SNX1: variants seen among roughly 807,000 people sequenced by gnomAD.
SNX1 encodes the protein sorting nexin-1.
In SNX1, 36 loss-of-function variants were observed where a neutral mutation model predicts 71.8. The ratio of observed to expected loss-of-function variants is 0.50; its 90% CI spans 0.38 to 0.66. SNX1 has a LOEUF of 0.66. SNX1 is among the 30% of genes least tolerant of loss of function. The probability of loss-of-function intolerance (pLI) is 0.00; values close to 1 mark genes in which losing one functional copy is unlikely to be tolerated. For missense variants in SNX1, 612 were observed against 646.7 expected (o/e 0.95, Z 0.58); for synonymous variants, 254 against 240.7 (o/e 1.06, Z -0.51).
chr15:64,125,392 G>T (rs1227507045), intron 5 of SNX1, among the ~76,000 whole-genome samples: 2 of 151,466 alleles, frequency 1.3e-5, no homozygotes, highest in African/African-American at 4.9e-5. Context: ...TTGAACCTGG[G>T]AGGTGGAGGT....
chr15:64,101,973 G>A (rs528883437), intron 1 of SNX1, among the ~76,000 whole-genome samples: 1 of 152,092 alleles, frequency 6.6e-6, no homozygotes, highest in Admixed American at 6.6e-5. Flanking sequence ...ATTGCACATT[G>A]TATGCATATA....
chr15:64,112,422 T>C (rs146631492), intron 1 of SNX1, 151 bp from the exon 2 acceptor site: 206 of 567,910 alleles, frequency 3.6e-4, no homozygotes, highest in African/African-American at 3.3e-3. Context: ...CTGTCATGAC[T>C]TGGGCAGCAC....
At chr15:64,126,249 G>T (rs753939084) in intron 6 of SNX1, 29 bp downstream of exon 6, 18 of 1,604,444 alleles carry the variant, frequency 1.1e-5, no homozygotes, top group South Asian at 3.3e-5. Flanking sequence ...ATTCCACTTG[G>T]ATTGTTTTCC....
chr15:64,138,062 CA>C lies in SNX1; in HGVS notation c.*445del, dbSNP rs1411923169. 2.0e-6 allele frequency: 3 copies of C among 1,529,694 alleles called. No individual in the cohort carries two copies. In the Admixed American group the frequency reaches 6.1e-5, roughly 31 times the overall value. The allele number at this position is 1,529,694 out of a possible 1,614,324, so 94.8% of individuals were successfully genotyped here. On this transcript the variant is annotated 3_prime_UTR_variant, in exon 15 of 15. Coordinates refer to ENST00000559844, the MANE Select transcript of SNX1 (RefSeq NM_003099.5). ...CTTAGGCTGGGGAGCAGTTGGGAAT[CA>C]GGTCTGGAATACTCCTAACCAAGAA...
intron 2 of SNX1, among the ~76,000 whole-genome samples, chr15:64,113,237 A>G (rs1045308394): frequency 6.6e-6 from 1 of 152,246 alleles, no homozygotes; most frequent in African/African-American, 2.4e-5. Context: ...GAAAAACACT[A>G]GTATAGGACA....
At position 64,118,654 on chromosome 15, in the gene SNX1, G is replaced by T. The variant is rs1453850546; in HGVS notation, c.400-134G>T. On this transcript the variant is annotated intron_variant, in intron 3 of 14. Transcript: ENST00000559844. ...TTTTGAGAGTTGGTACATTGGGATTGTTGGGAATGGACAAAAGCTGAACAC... is the reference window on the plus strand; with the variant it reads ...TTTTGAGAGTTGGTACATTGGGATTTTTGGGAATGGACAAAAGCTGAACAC... The T allele has an allele frequency of 7.8e-6, 5 of 643,774 alleles. No individual in the cohort carries two copies. The South Asian group carries it at 1.0e-4, about 13-fold the overall frequency. 39.9% of individuals were successfully genotyped at this position (643,774 alleles called of 1,614,324 possible). A position where few individuals can be genotyped will look rare whatever the true frequency, so the allele number is the denominator to read the frequency against.
Position 64,131,808 on chromosome 15 carries a change from G to A in SNX1, c.1137G>A (p.Gln379=). ...CTGAGGTGGAAGAAAAAATTGAGCA[G>A]CTCCACCAGGAACAGGCCAACAATG... ...QLAEVEEKIE[Q]LHQEQANNDF... Residue 379 remains glutamine, a synonymous_variant, in exon 11 of 15, where the codon CAG becomes CAA. Coordinates refer to ENST00000559844, the MANE Select transcript of SNX1 (RefSeq NM_003099.5). 8 of 1,614,172 alleles carry A rather than the reference G, an allele frequency of 5.0e-6. No homozygotes were observed. Among genetic ancestry groups the A allele is most frequent in the Non-Finnish European group, 6.8e-6 (8 of 1,180,036 alleles).
At chr15:64,121,953 CAT>C (rs1179505646) in intron 4 of SNX1, among the ~76,000 whole-genome samples, 2 of 152,172 alleles carry the variant, frequency 1.3e-5, no homozygotes, top group African/African-American at 4.8e-5. Context: ...TGGTAATTTG[CAT>C]ATGTTATCTT....
chr15:64,130,385 C>T (rs541578341), intron 10 of SNX1, 64 bp downstream of exon 10: 29 of 1,272,968 alleles, frequency 2.3e-5, no homozygotes, highest in South Asian at 2.2e-4. Flanking sequence ...ACTGGAGATG[C>T]GAGGGCATGC....
Position 64,142,336 on chromosome 15 carries a change from AAGC to A in SNX1, c.*4722_*4724del, listed in dbSNP as rs1233792007. 4.4e-6 allele frequency: 1 copy of A among 226,750 alleles called. No homozygotes were observed. The highest frequency in any genetic ancestry group is 2.3e-5 in the African/African-American group (1 of 42,952). The allele number at this position is 226,750 out of a possible 1,614,324, so 14.0% of individuals were successfully genotyped here. A position where few individuals can be genotyped will look rare whatever the true frequency, so the allele number is the denominator to read the frequency against. ...GAGCAAGATCTTGTCTCAAAAAAAA[AAGC>A]AGCTCTGGATGGGAAGGGAGGCCAG... is the stretch of plus-strand genomic sequence containing the variant. On this transcript the variant is annotated 3_prime_UTR_variant, in exon 15 of 15. Coordinates refer to ENST00000559844, the MANE Select transcript of SNX1 (RefSeq NM_003099.5).
intron 4 of SNX1, 26 bp downstream of exon 4, chr15:64,118,880 G>T (rs753583242): frequency 6.4e-7 from 1 of 1,565,316 alleles, no homozygotes; most frequent in Non-Finnish European, 8.8e-7. Context: ...GACTCCTTGT[G>T]ATGTTAGGAT....
At chr15:64,136,528 G>T in intron 13 of SNX1, 118 bp downstream of exon 13, 1 of 859,002 alleles carries the variant, frequency 1.2e-6, no homozygotes, top group Non-Finnish European at 2.0e-6. Context: ...CAGTTCTCGT[G>T]AGCAGGCGTG....
At chr15:64,107,941 C>A (rs952330661) in intron 1 of SNX1, among the ~76,000 whole-genome samples, 2 of 152,038 alleles carry the variant, frequency 1.3e-5, no homozygotes, top group Non-Finnish European at 2.9e-5. Context: ...CGCCTGTAAT[C>A]CCAGCACTTT....
At chr15:64,137,095 C>T (rs1297103898) in intron 14 of SNX1, among the ~76,000 whole-genome samples, 163 bp downstream of exon 14, 3 of 152,184 alleles carry the variant, frequency 2.0e-5, no homozygotes, top group Admixed American at 2.0e-4. Flanking sequence ...CATGGAGCAT[C>T]CAACAGGGTC....
chr15:64,126,098 G>A lies in SNX1; in HGVS notation c.530G>A (p.Arg177Lys), dbSNP rs2081249347. 2 of 1,614,068 alleles carry A rather than the reference G, an allele frequency of 1.2e-6. No individual in the cohort carries two copies. The highest frequency in any genetic ancestry group is 1.7e-6 in the Non-Finnish European group (2 of 1,180,006). The stretch of plus-strand genomic sequence containing the variant: ...CCCAAGACAAGCTTACCATTGTTCA[G>A]AAGCAAACAGTTTGCAGTAAAAAGA... ...VTTQTSLPLF[R>K]SKQFAVKRRF... Residue 177 changes from arginine to lysine, a missense_variant, in exon 6 of 15, where the codon AGA becomes AAA. Physicochemically the swap from Arg to Lys is conservative, Grantham distance 26. Coordinates refer to ENST00000559844, the MANE Select transcript of SNX1 (RefSeq NM_003099.5).
At chr15:64,098,689 C>CA (rs11448636) in intron 1 of SNX1, among the ~76,000 whole-genome samples, 39,609 of 99,936 alleles carry the variant, frequency 0.4, 6,883 homozygotes, top group South Asian at 0.67. Context: ...GACTCTCTCT[C>CA]AAAAAAAAAA....
intron 6 of SNX1, 138 bp downstream of exon 6, chr15:64,126,358 C>A: frequency 2.0e-6 from 2 of 984,554 alleles, no homozygotes; most frequent in Non-Finnish European, 2.9e-6. Flanking sequence ...TGTTTTCCTA[C>A]ACTGGAGGTC....
chr15:64,098,629 G>A lies in SNX1; in HGVS notation c.159+2457G>A, dbSNP rs563789929. The stretch of plus-strand genomic sequence containing the variant: ...CACTTGAACCCGGGAGGCAGAGGTT[G>A]CAGTGAGCCGAGATTGTGCCACTGT... On this transcript the variant is annotated intron_variant, in intron 1 of 14. Coordinates refer to ENST00000559844, the MANE Select transcript of SNX1 (RefSeq NM_003099.5). Among the ~76,000 whole-genome samples the A allele has an allele frequency of 2.7e-5, 4 of 150,050 alleles. No individual in the cohort carries two copies. In the South Asian group the frequency reaches 8.4e-4, roughly 31 times the overall value.
intron 4 of SNX1, among the ~76,000 whole-genome samples, chr15:64,121,783 A>C (rs1037166328): frequency 2.0e-5 from 3 of 152,222 alleles, no homozygotes; most frequent in Non-Finnish European, 4.4e-5. Context: ...TGTTGATGCC[A>C]AGAAACCAGC....
Sources: allele counts gnomAD v4.1 joint callset (sites outside exome capture counted in the v4.1 genomes callset), GRCh38; gene constraint gnomAD v4.1.1; transcripts MANE v1.5; gene names NCBI Gene and HGNC (gene_info 2026-07-23, HGNC 2026-07-21).